The following RTTN variants were observed in gnomAD, a reference collection of about 807,000 sequenced individuals.
The protein encoded by RTTN is rotatin.
In RTTN, 182 loss-of-function variants were observed where a neutral mutation model predicts 269.2. The ratio of observed to expected loss-of-function variants is 0.68; its 90% CI spans 0.60 to 0.76. The LOEUF (loss-of-function observed/expected upper bound fraction) is 0.76, where lower values mean the gene tolerates loss of function less well. Ranked by LOEUF, RTTN falls within the 30% of genes least tolerant of loss-of-function variation. The pLI is 0.00. For missense variants in RTTN, 2,545 were observed against 2,608.6 expected (o/e 0.98, Z 0.53); for synonymous variants, 1,006 against 963.5 (o/e 1.04, Z -0.82).
intron 14 of RTTN, among the ~76,000 whole-genome samples, chr18:70,151,948 T>C (rs1168323179): frequency 6.6e-5 from 10 of 152,170 alleles, no homozygotes; most frequent in African/African-American, 1.9e-4. Flanking sequence ...CTTCCTCATT[T>C]GCCAAACCCT....
chr18:70,059,313 T>C (rs2057909110), intron 36 of RTTN, among the ~76,000 whole-genome samples: 1 of 152,172 alleles, frequency 6.6e-6, no homozygotes, highest in Non-Finnish European at 1.5e-5. Flanking sequence ...TTCAGAAAAA[T>C]TATGTTACAG....
intron 28 of RTTN, among the ~76,000 whole-genome samples, chr18:70,104,523 T>C (rs898139441): frequency 3.3e-5 from 5 of 152,248 alleles, no homozygotes; most frequent in Non-Finnish European, 5.9e-5. Flanking sequence ...CGTCCAGCTT[T>C]GTTCCGTTGC....
rs1194835595 is a variant in RTTN, at chr18:70,005,248, C to T, written c.6545G>A (p.Ser2182Asn). The T allele has an allele frequency of 1.2e-6, 2 of 1,612,536 alleles. No homozygotes were observed. The highest frequency in any genetic ancestry group is 1.7e-6 in the Non-Finnish European group (2 of 1,179,166). ...ATCCACTCTTCTTTTTACTGATGGG[C>T]TTTTCAAAGCTGTTTTTGCCTAGAA... Reference protein sequence around the residue: ...NYQKAKTALKSPSVKRRVDEA... With the variant: ...NYQKAKTALKNPSVKRRVDEA... Residue 2182 changes from serine to asparagine, a missense_variant, in exon 48 of 49, where the codon AGC becomes AAC. By Grantham distance (46) the Ser-to-Asn change is conservative. Coordinates refer to ENST00000640769, the MANE Select transcript of RTTN (RefSeq NM_173630.4).
intron 31 of RTTN, among the ~76,000 whole-genome samples, chr18:70,087,026 T>G (rs139904918): frequency 0.013 from 1,952 of 152,100 alleles, 25 homozygotes; most frequent in South Asian, 0.046. Flanking sequence ...AATATAATTT[T>G]AGGTTTCTAC....
chr18:70,043,755 T>C (rs975223031), intron 40 of RTTN, among the ~76,000 whole-genome samples: 7 of 152,180 alleles, frequency 4.6e-5, no homozygotes, highest in South Asian at 2.1e-4. Context: ...AATTAATCTA[T>C]GGTAAATTCA....
Position 70,134,505 on chromosome 18 carries a change from C to G in RTTN, c.2922G>C (p.Ser974=). The stretch of plus-strand genomic sequence containing the variant: ...AAACGGAAACAGGCAAACTGAAGAC[C>G]GATGGCAAAGAAGGTTTATTGGAAG... ...VNPSNKPSLP[S]VFSLPVSVFR... is the part of the protein sequence containing the mutation. Residue 974 remains serine (S), a synonymous_variant, in exon 23 of 49, where the codon TCG becomes TCC. Coordinates refer to ENST00000640769, the MANE Select transcript of RTTN (RefSeq NM_173630.4). 2.5e-6 allele frequency: 4 copies of G among 1,609,490 alleles called. No homozygotes were observed. The highest frequency in any genetic ancestry group is 1.1e-5 in the South Asian group (1 of 90,362).
At chr18:70,173,444 G>A (rs530028638) in intron 11 of RTTN, among the ~76,000 whole-genome samples, 1 of 132,960 alleles carries the variant, frequency 7.5e-6, no homozygotes, top group South Asian at 2.4e-4. Context: ...AGTGAGCGGA[G>A]ATCACGCCAC....
chr18:70,202,685 T>C (rs1192631825), intron 3 of RTTN, among the ~76,000 whole-genome samples: 2 of 152,242 alleles, frequency 1.3e-5, no homozygotes, highest in African/African-American at 4.8e-5. Flanking sequence ...GATAAAGCAA[T>C]GTTAGAATCC....
intron 43 of RTTN, among the ~76,000 whole-genome samples, chr18:70,025,083 GA>G (rs997187775): frequency 6.6e-6 from 1 of 152,176 alleles, no homozygotes; most frequent in Non-Finnish European, 1.5e-5. Context: ...ACTAAGTTAG[GA>G]AGCATAGAAA....
intron 23 of RTTN, among the ~76,000 whole-genome samples, chr18:70,133,788 A>G (rs1216419848): frequency 6.6e-6 from 1 of 152,176 alleles, no homozygotes; most frequent in African/African-American, 2.4e-5. Context: ...GAGATAAATA[A>G]GTACGTTTAC....
chr18:70,091,251 G>A (rs1028094762), intron 30 of RTTN, among the ~76,000 whole-genome samples: 2 of 152,146 alleles, frequency 1.3e-5, no homozygotes, highest in African/African-American at 2.4e-5. Context: ...AAGTTCAGGG[G>A]CTCAGGGATG....
chr18:70,075,240 G>GT, intron 33 of RTTN, 112 bp downstream of exon 33: 1 of 701,606 alleles, frequency 1.4e-6, no homozygotes, highest in East Asian at 3.2e-5. Flanking sequence ...GGAAATGAAT[G>GT]TTTTCCCTGT....
At chr18:70,057,267 G>A (rs2057845123) in intron 37 of RTTN, among the ~76,000 whole-genome samples, 1 of 152,202 alleles carries the variant, frequency 6.6e-6, no homozygotes, top group Non-Finnish European at 1.5e-5. Flanking sequence ...ATAGATTCTA[G>A]CTATAGGCAA....
chr18:70,043,645 A>C (rs1187223782), intron 40 of RTTN, among the ~76,000 whole-genome samples: 1 of 152,222 alleles, frequency 6.6e-6, no homozygotes, highest in Non-Finnish European at 1.5e-5. Flanking sequence ...TTTAGTAAAA[A>C]CTTACAGATA....
chr18:70,115,226 GT>G (rs1299180048), intron 26 of RTTN, among the ~76,000 whole-genome samples: 1 of 151,692 alleles, frequency 6.6e-6, no homozygotes, highest in Non-Finnish European at 1.5e-5. Context: ...AATTGTCCCT[GT>G]AAAAAATGTA....
At chr18:70,103,518 C>T (rs1021661020) in intron 28 of RTTN, among the ~76,000 whole-genome samples, 6 of 152,076 alleles carry the variant, frequency 3.9e-5, no homozygotes, top group East Asian at 1.9e-4. Context: ...GGATTAAGGG[C>T]GGTGCAAGAT....
intron 18 of RTTN, among the ~76,000 whole-genome samples, chr18:70,144,117 G>A (rs1350398445): frequency 6.6e-6 from 1 of 152,146 alleles, no homozygotes; most frequent in Non-Finnish European, 1.5e-5. Flanking sequence ...ATAGTGCTGG[G>A]ATTACAGGCA....
chr18:70,188,110 T>C lies in RTTN; in HGVS notation c.1303A>G (p.Met435Val), dbSNP rs775371925. Residue 435 changes from methionine to valine, a missense_variant and splice_region_variant, in exon 10 of 49, where the codon ATG (methionine) becomes GTG (valine). By Grantham distance (21) the Met-to-Val change is conservative. Coordinates refer to ENST00000640769, the MANE Select transcript of RTTN (RefSeq NM_173630.4). ...WDDSSLFGID[M>V]KEKLLLVLGA... ...CCAAAGAAAACATTGATTCTTACCA[T>C]ATCTATACCAAAAAGGCTGCTGTCA... 2.6e-6 allele frequency: 4 copies of C among 1,551,080 alleles called. No homozygotes were observed. The highest frequency in any genetic ancestry group is 2.7e-6 in the Non-Finnish European group (3 of 1,123,418).
At chr18:70,201,280 A>G (rs1483274614) in intron 4 of RTTN, among the ~76,000 whole-genome samples, 1 of 152,164 alleles carries the variant, frequency 6.6e-6, no homozygotes, top group African/African-American at 2.4e-5. Flanking sequence ...ATGAGATGAC[A>G]TGTGTAGTGC....
Sources: gnomAD v4.1 joint callset for allele counts (sites outside exome capture counted in the v4.1 genomes callset) on GRCh38, gnomAD v4.1.1 for gene constraint, MANE v1.5 for transcripts, NCBI Gene and HGNC (gene_info 2026-07-23, HGNC 2026-07-21) for gene names.